RBBP8: variants seen among roughly 807,000 people sequenced by gnomAD.
RBBP8 encodes RB binding protein 8, endonuclease, also known as DNA endonuclease RBBP8.
A neutral mutation model predicts 108.3 loss-of-function variants in RBBP8; 88 were observed. The ratio of observed to expected loss-of-function variants is 0.81; its 90% CI spans 0.68 to 0.97. RBBP8 has a LOEUF of 0.97. RBBP8 is among the 50% of genes least tolerant of loss of function. The pLI is 0.00. For synonymous variants in RBBP8, 332 were observed against 348.2 expected (o/e 0.95, Z 0.52); for missense variants, 1,023 against 1,049.0 (o/e 0.98, Z 0.34).
chr18:22,971,959 C>T (rs1377274639), intron 5 of RBBP8, among the ~76,000 whole-genome samples: 7 of 151,294 alleles, frequency 4.6e-5, no homozygotes, highest in Non-Finnish European at 1.0e-4. Context: ...TGTTTAATTT[C>T]TAAAACAGAC....
chr18:22,935,150 A>C (rs1319053931), intron 1 of RBBP8, among the ~76,000 whole-genome samples: 1 of 151,416 alleles, frequency 6.6e-6, no homozygotes, highest in Non-Finnish European at 1.5e-5. Flanking sequence ...TACTTTTAAA[A>C]ACTTTTTTAC....
chr18:22,947,527 T>C (rs1911671109), intron 3 of RBBP8, among the ~76,000 whole-genome samples: 1 of 152,102 alleles, frequency 6.6e-6, no homozygotes, highest in Non-Finnish European at 1.5e-5. Flanking sequence ...CCAGTTGTAT[T>C]TAAAATGTTC....
chr18:22,969,015 A>G lies in RBBP8; in HGVS notation c.361+97A>G, dbSNP rs567315043. The stretch of plus-strand genomic sequence containing the variant: ...TTGTAATTAAATGGATGGTTTACAT[A>G]TATTTTTCCTTATTTAGTAAAAGTT... On this transcript the variant is annotated intron_variant, in intron 5 of 18. Coordinates refer to ENST00000327155, the MANE Select transcript of RBBP8 (RefSeq NM_002894.3). 176 of 904,214 alleles carry G rather than the reference A, an allele frequency of 1.9e-4. 3 individuals carry two copies. The South Asian group carries it at 2.6e-3, about 14-fold the overall frequency. The allele number at this position is 904,214 out of a possible 1,614,324, so 56.0% of individuals were successfully genotyped here. A position where few individuals can be genotyped will look rare whatever the true frequency, so the allele number is the denominator to read the frequency against.
intron 14 of RBBP8, 119 bp downstream of exon 14, chr18:22,997,853 C>T (rs942705442): frequency 2.7e-6 from 2 of 747,094 alleles, no homozygotes; most frequent in Admixed American, 4.1e-5. Context: ...TTTTCCTGCT[C>T]TGTTAACTTT....
chr18:22,916,370 T>C (rs1435297836), intron 2 of RBBP8, among the ~76,000 whole-genome samples: 1 of 152,070 alleles, frequency 6.6e-6, no homozygotes, highest in Non-Finnish European at 1.5e-5. Flanking sequence ...CAATATCTCA[T>C]TTTTGAGTTA....
chr18:22,984,815 T>A, intron 7 of RBBP8, 71 bp from the exon 8 acceptor site: 1 of 892,728 alleles, frequency 1.1e-6, no homozygotes. Flanking sequence ...TATGAATAAA[T>A]AAAAATAATT....
chr18:22,972,280 G>A (rs1598686838), intron 5 of RBBP8, among the ~76,000 whole-genome samples: 1 of 147,724 alleles, frequency 6.8e-6, no homozygotes, highest in Non-Finnish European at 1.5e-5. Flanking sequence ...CTTGAACCCA[G>A]GAGGCAGAGA....
At chr18:22,988,123 G>C (rs571748831) in intron 8 of RBBP8, among the ~76,000 whole-genome samples, 22 of 152,144 alleles carry the variant, frequency 1.4e-4, no homozygotes, top group African/African-American at 5.3e-4. Context: ...TATTATACTA[G>C]TTTAGGCTAC....
In RBBP8 at chr18:23,006,350, G is replaced by A; in HGVS notation, c.2288-13G>A. ...TCTACATTTAGTTTGTAATGTGCAT[G>A]TTTTATTTATAGCTCATGGTGATAA... On this transcript the variant is annotated splice_polypyrimidine_tract_variant and intron_variant, in intron 15 of 18. Transcript: ENST00000327155. 6.2e-7 allele frequency: 1 copy of A among 1,607,904 alleles called. No individual in the cohort carries two copies. The highest frequency in any genetic ancestry group is 8.5e-7 in the Non-Finnish European group (1 of 1,174,706).
Position 22,993,633 on chromosome 18 carries a change from C to G in RBBP8, c.1806C>G (p.Asp602Glu), listed in dbSNP as rs1380047745. 1 of 1,614,206 alleles carries G rather than the reference C, an allele frequency of 6.2e-7. No individual in the cohort carries two copies. Residue 602 changes from aspartate (D) to glutamate (E), a missense_variant, in exon 11 of 19, where the codon GAC becomes GAG. Transcript: ENST00000327155. ...TGGAGACTGAGAATGTTTTAGATGA[C>G]ATAAAGGTTTGTGTTAAATGTTCAA... ...ESLETENVLD[D>E]IKSAGSHEPI...
chr18:22,963,754 A>G (rs757532513), intron 4 of RBBP8, among the ~76,000 whole-genome samples: 4 of 152,208 alleles, frequency 2.6e-5, no homozygotes, highest in Non-Finnish European at 5.9e-5. Context: ...TTATTTTAGA[A>G]AATCACACAT....
chr18:22,980,701 A>G (rs1249064832), intron 6 of RBBP8, among the ~76,000 whole-genome samples: 1 of 151,046 alleles, frequency 6.6e-6, no homozygotes, highest in Non-Finnish European at 1.5e-5. Context: ...CATATGACTT[A>G]AGTCTTTTTG....
intron 17 of RBBP8, among the ~76,000 whole-genome samples, chr18:23,017,439 G>A (rs528352942): frequency 6.1e-4 from 93 of 151,712 alleles, no homozygotes; most frequent in Middle Eastern, 3.4e-3. Context: ...GGATCACGAG[G>A]TAAGGAGATC....
intron 18 of RBBP8, among the ~76,000 whole-genome samples, chr18:23,022,651 T>TAAAATAATAA (rs370599195): frequency 1.2e-5 from 1 of 84,372 alleles, no homozygotes; most frequent in African/African-American, 5.8e-5. Context: ...TAAAATACAA[T>TAAAATAATAA]ATAAAATAAA....
intron 3 of RBBP8, among the ~76,000 whole-genome samples, chr18:22,920,255 CT>C (rs1259698423): frequency 6.6e-6 from 1 of 152,164 alleles, no homozygotes; most frequent in African/African-American, 2.4e-5. Context: ...CTTCACACTA[CT>C]ATACTCCAGC....
chr18:23,003,262 T>C (rs1223980004), intron 15 of RBBP8, among the ~76,000 whole-genome samples: 1 of 152,262 alleles, frequency 6.6e-6, no homozygotes, highest in African/African-American at 2.4e-5. Flanking sequence ...TTGCGTCTCT[T>C]CAGCTTAAAC....
intron 4 of RBBP8, among the ~76,000 whole-genome samples, chr18:22,952,555 A>G (rs1486670877): frequency 2.0e-5 from 3 of 152,194 alleles, no homozygotes; most frequent in Non-Finnish European, 2.9e-5. Flanking sequence ...AATAAGACAT[A>G]TACTATCTCC....
intron 4 of RBBP8, among the ~76,000 whole-genome samples, chr18:22,955,084 G>T (rs1912394776): frequency 6.6e-6 from 1 of 152,146 alleles, no homozygotes. Context: ...TTAAAACTAG[G>T]TTCTTTTCTC....
intron 2 of RBBP8, among the ~76,000 whole-genome samples, chr18:22,939,126 G>A (rs1910834590): frequency 6.6e-6 from 1 of 152,054 alleles, no homozygotes; most frequent in Non-Finnish European, 1.5e-5. Context: ...ATATTGCAGT[G>A]CTTTATAGCT....
Sources: allele counts gnomAD v4.1 joint callset (sites outside exome capture counted in the v4.1 genomes callset), GRCh38; gene constraint gnomAD v4.1.1; transcripts MANE v1.5; gene names NCBI Gene and HGNC (gene_info 2026-07-23, HGNC 2026-07-21).